The following KMO variants were observed in gnomAD, a reference collection of about 807,000 sequenced individuals.
The protein encoded by KMO is kynurenine 3-hydroxylase.
Under a neutral mutation model 57.8 loss-of-function variants are expected in KMO, and 24 were observed. That is an observed-to-expected ratio of 0.42 (90% CI 0.30 to 0.58). The LOEUF (loss-of-function observed/expected upper bound fraction) is 0.58. Among genes scored for constraint, KMO ranks in the 20% least tolerant of loss-of-function variants. The probability of loss-of-function intolerance (pLI) is 0.22; values close to 1 mark genes in which losing one functional copy is unlikely to be tolerated. For synonymous variants in KMO, 210 were observed against 193.6 expected, an observed-to-expected ratio of 1.08 and a Z score of -0.70; for missense variants, 483 against 588.2, an observed-to-expected ratio of 0.82 and a Z score of 1.85.
chr1:241,543,609 T>A (rs570054445), intron 1 of KMO, among the ~76,000 whole-genome samples: 1 of 152,162 alleles, frequency 6.6e-6, no homozygotes, highest in Admixed American at 6.5e-5. Context: ...AATATACATA[T>A]AGCAAAAGTT....
intron 1 of KMO, among the ~76,000 whole-genome samples, chr1:241,536,927 A>C (rs540639765): frequency 6.6e-6 from 1 of 152,278 alleles, no homozygotes; most frequent in East Asian, 1.9e-4. Flanking sequence ...TCTCACAGCT[A>C]TAGATGTTAA....
intron 2 of KMO, among the ~76,000 whole-genome samples, chr1:241,549,123 C>A (rs1218365406): frequency 6.6e-6 from 1 of 150,480 alleles, no homozygotes; most frequent in Non-Finnish European, 1.5e-5. Flanking sequence ...GAGGCGAGAT[C>A]ATGCCACTGT....
chr1:241,552,175 TGAGA>T (rs35145528), intron 4 of KMO, among the ~76,000 whole-genome samples: 1,285 of 111,056 alleles, frequency 0.012, 11 homozygotes, highest in African/African-American at 0.036. Flanking sequence ...TGAGTGTGTG[TGAGA>T]GAGAGAGAGA....
At position 241,564,503 on chromosome 1, in the gene KMO, G is replaced by A. The variant is rs1662001415; in HGVS notation, c.616-484G>A. ...TTGGTTTGGCTCATGAAATTTAAAT[G>A]TAAGACCTTTTTGTCCAGTATAGAT... On this transcript the variant is annotated intron_variant, in intron 7 of 14. Coordinates refer to ENST00000366559, the MANE Select transcript of KMO (RefSeq NM_003679.5). Among the ~76,000 whole-genome samples, 5 of 151,886 alleles carry A rather than the reference G, an allele frequency of 3.3e-5. No homozygotes were observed. The South Asian group carries it at 1.0e-3, about 32-fold the overall frequency.
intron 5 of KMO, among the ~76,000 whole-genome samples, chr1:241,557,130 A>G (rs149601362): frequency 3.5e-4 from 53 of 152,212 alleles, no homozygotes; most frequent in African/African-American, 1.3e-3. Flanking sequence ...AGAAAGGTGT[A>G]AATAGAACCC....
chr1:241,571,783 T>G (rs1662287739), intron 10 of KMO, among the ~76,000 whole-genome samples: 1 of 151,862 alleles, frequency 6.6e-6, no homozygotes. Flanking sequence ...GGTATTATGG[T>G]AAGGCTGGCC....
At chr1:241,570,807 T>C (rs1662250755) in intron 10 of KMO, among the ~76,000 whole-genome samples, 1 of 152,136 alleles carries the variant, frequency 6.6e-6, no homozygotes, top group South Asian at 2.1e-4. Context: ...TTATTCTTTC[T>C]ATTTCTGTGA....
chr1:241,581,880 AT>A (rs1178864344), intron 10 of KMO, among the ~76,000 whole-genome samples: 1 of 151,910 alleles, frequency 6.6e-6, no homozygotes, highest in African/African-American at 2.4e-5. Flanking sequence ...CCTTCAGGTG[AT>A]TTTTTTTCTC....
intron 2 of KMO, 21 bp downstream of exon 2, chr1:241,548,919 G>A: frequency 3.9e-6 from 6 of 1,556,368 alleles, no homozygotes; most frequent in Non-Finnish European, 5.3e-6. Context: ...GGTGAAAAAA[G>A]CAGGATGAAC....
chr1:241,564,269 G>A (rs1661992559), intron 7 of KMO, among the ~76,000 whole-genome samples: 1 of 152,106 alleles, frequency 6.6e-6, no homozygotes, highest in African/African-American at 2.4e-5. Context: ...AAAGTTGATT[G>A]CATATTTCTA....
At chr1:241,586,641 T>G in intron 10 of KMO, 38 bp from the exon 11 acceptor site, 1 of 1,336,714 alleles carries the variant, frequency 7.5e-7, no homozygotes. Context: ...TTTTTATTAT[T>G]TCTAGTTTCT....
At chr1:241,565,463 G>A (rs1057066107) in intron 8 of KMO, among the ~76,000 whole-genome samples, 5 of 151,304 alleles carry the variant, frequency 3.3e-5, no homozygotes, top group African/African-American at 1.2e-4. Flanking sequence ...GCTCACACCT[G>A]TAATACCAGC....
rs1663367677 is a variant in KMO at position 241,592,795 on chromosome 1, T to TATC, written c.*643_*645dup. ...CTATCTATCTATCTATCTATCTATCTATCTCTATTTATTTATGTATTTAGA... is the reference window on the plus strand; with the variant it reads ...CTATCTATCTATCTATCTATCTATCTATCATCTCTATTTATTTATGTATTTAGA... On this transcript the variant is annotated 3_prime_UTR_variant, in exon 15 of 15. Coordinates refer to ENST00000366559, the MANE Select transcript of KMO (RefSeq NM_003679.5). 1 of 154,370 alleles carries TATC rather than the reference T, an allele frequency of 6.5e-6. No homozygotes were observed. Among genetic ancestry groups the TATC allele is most frequent in the African/African-American group, 2.4e-5 (1 of 41,368 alleles). The allele number at this position is 154,370 out of a possible 1,614,324, so 9.6% of individuals were successfully genotyped here.
intron 5 of KMO, among the ~76,000 whole-genome samples, chr1:241,557,542 C>A (rs1035612440): frequency 2.6e-5 from 4 of 152,130 alleles, no homozygotes; most frequent in African/African-American, 9.7e-5. Context: ...TCACCAGATA[C>A]AAGAAAGAGG....
intron 10 of KMO, among the ~76,000 whole-genome samples, chr1:241,578,863 G>GTA (rs1662638331): frequency 6.6e-6 from 1 of 152,082 alleles, no homozygotes; most frequent in Admixed American, 6.6e-5. Context: ...TCACAATTAT[G>GTA]GTGGAAGGTG....
chr1:241,578,889 A>T (rs1467891969), intron 10 of KMO, among the ~76,000 whole-genome samples: 2 of 152,100 alleles, frequency 1.3e-5, no homozygotes, highest in African/African-American at 4.8e-5. Context: ...CCCTTCTCAC[A>T]TGGTAGCAGA....
At chr1:241,567,936 GT>G (rs1662144703) in intron 9 of KMO, among the ~76,000 whole-genome samples, 2 of 152,064 alleles carry the variant, frequency 1.3e-5, no homozygotes, top group South Asian at 2.1e-4. Context: ...AAATATTAGG[GT>G]TTTTGTTTGT....
At chr1:241,571,984 A>G (rs968861681) in intron 10 of KMO, among the ~76,000 whole-genome samples, 1 of 148,340 alleles carries the variant, frequency 6.7e-6, no homozygotes, top group Non-Finnish European at 1.5e-5. Context: ...TTCCTGCCAC[A>G]GCCTCCCCAG....
intron 10 of KMO, among the ~76,000 whole-genome samples, chr1:241,582,859 GTGTCTATTT>G (rs900025811): frequency 2.6e-5 from 4 of 152,090 alleles, no homozygotes; most frequent in Admixed American, 1.3e-4. Context: ...GAAGAATTAG[GTGTCTATTT>G]TGTCTATTTT....
Sources: allele counts gnomAD v4.1 joint callset (sites outside exome capture counted in the v4.1 genomes callset), GRCh38; gene constraint gnomAD v4.1.1; transcripts MANE v1.5; gene names NCBI Gene and HGNC (gene_info 2026-07-23, HGNC 2026-07-21).